DNAH14: variants seen among roughly 807,000 people sequenced by gnomAD.
DNAH14 encodes the protein axonemal beta dynein heavy chain 14.
Under a neutral mutation model 520.9 loss-of-function variants are expected in DNAH14, and 478 were observed. That is an observed-to-expected ratio of 0.92 (90% CI 0.85 to 0.99). The LOEUF (loss-of-function observed/expected upper bound fraction) is 0.99, where lower values mean the gene tolerates loss of function less well. Among genes scored for constraint, DNAH14 ranks in the 50% least tolerant of loss-of-function variants. DNAH14 has a pLI of 0.00. For missense variants in DNAH14, 4,831 were observed against 5,234.5 expected, an observed-to-expected ratio of 0.92 and a Z score of 2.38; for synonymous variants, 1,581 against 1,757.2, an observed-to-expected ratio of 0.90 and a Z score of 2.51.
At position 225,270,724 on chromosome 1, in the gene DNAH14, C is replaced by G. The variant is rs2149828943; in HGVS notation, c.7540-11C>G. The G allele has an allele frequency of 1.3e-6, 2 of 1,549,696 alleles. No individual in the cohort carries two copies. The highest frequency in any genetic ancestry group is 2.4e-5 in the East Asian group (1 of 40,832). ...ACATTCAGTTACTCTTCCTTTTTAT[C>G]CTTATCACAGAATATTCAAGATCTG... On this transcript the variant is annotated splice_polypyrimidine_tract_variant and intron_variant, in intron 49 of 85. Transcript: ENST00000682510.
chr1:225,175,280 A>C (rs1041973420), intron 36 of DNAH14, among the ~76,000 whole-genome samples: 1 of 152,204 alleles, frequency 6.6e-6, no homozygotes, highest in Admixed American at 6.5e-5. Context: ...CAGTGAAGCC[A>C]TCACATCCTG....
At chr1:225,154,493 C>T (rs1392598817) in intron 34 of DNAH14, among the ~76,000 whole-genome samples, 1 of 152,060 alleles carries the variant, frequency 6.6e-6, no homozygotes, top group African/African-American at 2.4e-5. Flanking sequence ...AATTAAAACA[C>T]TGTGGTACTG....
intron 71 of DNAH14, among the ~76,000 whole-genome samples, chr1:225,347,797 A>G (rs1353962831): frequency 4.6e-5 from 7 of 152,172 alleles, no homozygotes; most frequent in Non-Finnish European, 7.4e-5. Flanking sequence ...AAAAAAAGAT[A>G]CATAAGGCAA....
chr1:225,307,219 T>A (rs1317731610), intron 58 of DNAH14, among the ~76,000 whole-genome samples: 1 of 152,182 alleles, frequency 6.6e-6, no homozygotes, highest in Non-Finnish European at 1.5e-5. Flanking sequence ...CTAGTTATCA[T>A]GAATTTTATC....
intron 10 of DNAH14, among the ~76,000 whole-genome samples, chr1:225,016,552 T>C (rs1553382589): frequency 6.6e-6 from 1 of 152,168 alleles, no homozygotes; most frequent in Non-Finnish European, 1.5e-5. Context: ...TCTCTTTGGG[T>C]TTGTTTAGCT....
intron 64 of DNAH14, among the ~76,000 whole-genome samples, chr1:225,330,615 AC>A (rs1250334210): frequency 6.6e-6 from 1 of 152,134 alleles, no homozygotes; most frequent in African/African-American, 2.4e-5. Flanking sequence ...AAACAATTGA[AC>A]TCATGGAGAT....
chr1:225,264,580 T>G (rs907978260), intron 47 of DNAH14, among the ~76,000 whole-genome samples: 1 of 152,116 alleles, frequency 6.6e-6, no homozygotes, highest in African/African-American at 2.4e-5. Context: ...TTTGATGCTT[T>G]TAGACATACT....
At chr1:225,382,820 TG>T (rs1558588988) in intron 81 of DNAH14, among the ~76,000 whole-genome samples, 1 of 152,158 alleles carries the variant, frequency 6.6e-6, no homozygotes, top group Non-Finnish European at 1.5e-5. Flanking sequence ...GACTGATGAA[TG>T]GATAAAATAT....
rs1188065054 is a variant in DNAH14 at position 225,273,024 on chromosome 1, G to C, written c.7909G>C (p.Val2637Leu). Residue 2637 changes from valine (V) to leucine (L), a missense_variant, in exon 52 of 86, where the codon GTT becomes CTT. Coordinates refer to ENST00000682510, the MANE Select transcript of DNAH14 (RefSeq NM_001367479.1). The stretch of plus-strand genomic sequence containing the variant: ...CAAAGAGATGGCTGCTCTGCTCTTT[G>C]TTCATGAAGCCACCCGAGTATTTCA... ...NSKEMAALLFVHEATRVFHDR... is the reference protein window; with the variant it reads ...NSKEMAALLFLHEATRVFHDR... 2.6e-6 allele frequency: 4 copies of C among 1,551,586 alleles called. No individual in the cohort carries two copies. The highest frequency in any genetic ancestry group is 3.5e-6 in the Non-Finnish European group (4 of 1,146,972).
At chr1:225,277,308 T>C (rs2093509623) in intron 53 of DNAH14, 102 bp from the exon 54 acceptor site, 1 of 392,620 alleles carries the variant, frequency 2.5e-6, no homozygotes, top group East Asian at 7.4e-5. Flanking sequence ...TCTGGATTAC[T>C]AGTTATTCTC....
At chr1:225,358,367 C>T in intron 73 of DNAH14, 129 bp from the exon 74 acceptor site, 4 of 818,864 alleles carry the variant, frequency 4.9e-6, no homozygotes, top group African/African-American at 1.8e-5. Context: ...CATTAAGCTT[C>T]CTCAACAGGA....
intron 1 of DNAH14, among the ~76,000 whole-genome samples, chr1:224,931,290 A>G (rs1385334733): frequency 1.3e-5 from 2 of 152,210 alleles, no homozygotes; most frequent in African/African-American, 4.8e-5. Context: ...AAAGAGTAAG[A>G]AATAAAGTTT....
Position 225,142,972 on chromosome 1 carries a change from T to A in DNAH14, c.4509-1425T>A, listed in dbSNP as rs1024049250. Among the ~76,000 whole-genome samples, 7 of 151,912 alleles carry A rather than the reference T, an allele frequency of 4.6e-5. No individual in the cohort carries two copies. The East Asian group carries it at 1.4e-3, about 29-fold the overall frequency. On this transcript the variant is annotated intron_variant, in intron 28 of 85. Transcript: ENST00000682510. The stretch of plus-strand genomic sequence containing the variant: ...TTTTTAAAAAAATTAATGAAATAAA[T>A]TTTTTTTTCTTTCAATTCATTTGTG...
At chr1:225,382,748 T>C (rs1348270682) in intron 81 of DNAH14, among the ~76,000 whole-genome samples, 2 of 150,982 alleles carry the variant, frequency 1.3e-5, no homozygotes, top group Admixed American at 1.3e-4. Context: ...AACTTGCACA[T>C]GAATGTTCAT....
At chr1:225,353,706 GTC>G (rs1424356758) in intron 72 of DNAH14, 95 bp from the exon 73 acceptor site, 1 of 682,334 alleles carries the variant, frequency 1.5e-6, no homozygotes. Context: ...AAAAAAAAAA[GTC>G]ACAATTTTAT....
At position 225,324,221 on chromosome 1, in the gene DNAH14, G is replaced by A; in HGVS notation, c.9496-1G>A. ...TAATACATTAACTGTGTTCTCTCTAGGTTTTCGTGAAGCTAAAAAAAATTG... is the reference window on the plus strand; with the variant it reads ...TAATACATTAACTGTGTTCTCTCTAAGTTTTCGTGAAGCTAAAAAAAATTG... On this transcript the variant is annotated splice_acceptor_variant, in intron 62 of 85. Transcript: ENST00000682510. LOFTEE classifies it high-confidence loss of function. 1 of 1,551,566 alleles carries A rather than the reference G, an allele frequency of 6.4e-7. No individual in the cohort carries two copies.
intron 79 of DNAH14, among the ~76,000 whole-genome samples, chr1:225,378,460 C>A (rs529657338): frequency 6.6e-6 from 1 of 152,294 alleles, no homozygotes; most frequent in East Asian, 1.9e-4. Context: ...AGCCATGTGA[C>A]CTCAGGCGAT....
chr1:225,334,877 C>CAT lies in DNAH14; in HGVS notation c.10080+1378_10080+1379dup, dbSNP rs141792910. Among the ~76,000 whole-genome samples the CAT allele has an allele frequency of 3.7e-4, 51 of 137,018 alleles. No homozygotes were observed. The South Asian group carries it at 4.1e-3, about 11-fold the overall frequency. The allele number at this position is 137,018 out of a possible 152,430, so 89.9% of individuals were successfully genotyped here. ...AGCCAAGTCTCTGTCTCTCTCTCTA[C>CAT]ATATATATGTGTGTGTGTGTGTGTG... On this transcript the variant is annotated intron_variant, in intron 66 of 85. Coordinates refer to ENST00000682510, the MANE Select transcript of DNAH14 (RefSeq NM_001367479.1).
intron 26 of DNAH14, among the ~76,000 whole-genome samples, chr1:225,120,220 C>T (rs912526400): frequency 1.3e-5 from 2 of 152,064 alleles, no homozygotes; most frequent in African/African-American, 4.8e-5. Flanking sequence ...TAGCGGGGGT[C>T]AAAGTGAGCT....
Sources: gnomAD v4.1 joint callset for allele counts (sites outside exome capture counted in the v4.1 genomes callset) on GRCh38, gnomAD v4.1.1 for gene constraint, MANE v1.5 for transcripts, NCBI Gene and HGNC (gene_info 2026-07-23, HGNC 2026-07-21) for gene names.